SLCO2B1: variants seen among roughly 807,000 people sequenced by gnomAD.
SLCO2B1 encodes the protein solute carrier organic anion transporter family member 2B1.
In SLCO2B1, 41 loss-of-function variants were observed where a neutral mutation model predicts 67.3. The ratio of observed to expected loss-of-function variants is 0.61; its 90% confidence interval spans 0.47 to 0.79. The LOEUF (loss-of-function observed/expected upper bound fraction) is 0.79. Among genes scored for constraint, SLCO2B1 ranks in the 30% least tolerant of loss-of-function variants. SLCO2B1 has a pLI of 0.00. For synonymous variants in SLCO2B1, 379 were observed against 381.4 expected (o/e 0.99, Z 0.07); for missense variants, 837 against 920.1 (o/e 0.91, Z 1.17).
chr11:75,195,130 G>A (rs1945081419), intron 9 of SLCO2B1, among the ~76,000 whole-genome samples: 1 of 152,186 alleles, frequency 6.6e-6, no homozygotes, highest in Non-Finnish European at 1.5e-5. Flanking sequence ...GAGAGGTGAA[G>A]TCACCCCACA....
At chr11:75,196,437 A>G in intron 9 of SLCO2B1, 77 bp from the exon 10 acceptor site, 1 of 1,451,808 alleles carries the variant, frequency 6.9e-7, no homozygotes, top group East Asian at 2.3e-5. Flanking sequence ...GCTCTCGGCT[A>G]CAGGGCCGAG....
chr11:75,174,090 C>T (rs1053504637), intron 7 of SLCO2B1, among the ~76,000 whole-genome samples: 1 of 152,194 alleles, frequency 6.6e-6, no homozygotes, highest in Admixed American at 6.5e-5. Context: ...GAGTGAGCCA[C>T]CGTGCCAGGC....
chr11:75,165,701 G>C (rs555606946), intron 3 of SLCO2B1, 86 bp from the exon 4 acceptor site: 96 of 1,383,538 alleles, frequency 6.9e-5, no homozygotes, highest in Non-Finnish European at 8.6e-5. Context: ...ATGGGCATAC[G>C]GAAGTTAGAC....
intron 6 of SLCO2B1, among the ~76,000 whole-genome samples, chr11:75,170,348 G>A (rs779085530): frequency 6.6e-6 from 1 of 152,242 alleles, no homozygotes; most frequent in Non-Finnish European, 1.5e-5. Flanking sequence ...TTGGGAAAGA[G>A]TAGTTTCTGG....
At chr11:75,172,600 C>A (rs1281021944) in intron 7 of SLCO2B1, 31 bp downstream of exon 7, 5 of 1,579,282 alleles carry the variant, frequency 3.2e-6, no homozygotes, top group South Asian at 1.1e-5. Flanking sequence ...CTGACTGGGT[C>A]CAGGCTCCAG....
chr11:75,169,471 A>G, intron 5 of SLCO2B1, 65 bp downstream of exon 5: 1 of 1,435,050 alleles, frequency 7.0e-7, no homozygotes, highest in Non-Finnish European at 9.5e-7. Context: ...AGGAAGAGAG[A>G]CCCAGGGTTG....
At chr11:75,196,236 A>C in intron 9 of SLCO2B1, 4 of 348,650 alleles carry the variant, frequency 1.1e-5, no homozygotes, top group Non-Finnish European at 2.1e-5. Context: ...TCTGGGAGGA[A>C]TTTATCTTGT....
intron 4 of SLCO2B1, among the ~76,000 whole-genome samples, chr11:75,168,846 G>C (rs573537975): frequency 1.4e-4 from 21 of 152,132 alleles, no homozygotes; most frequent in African/African-American, 4.1e-4. Flanking sequence ...CACCACCTTT[G>C]ACCACCCCGC....
At chr11:75,199,975 T>G (rs1451137772) in intron 10 of SLCO2B1, 2 of 509,566 alleles carry the variant, frequency 3.9e-6, no homozygotes, top group African/African-American at 3.9e-5. Context: ...TTCTCTACTT[T>G]CTCTCTGCTT....
intron 1 of SLCO2B1, 35 bp downstream of exon 1, chr11:75,151,432 A>G: frequency 6.2e-7 from 1 of 1,612,426 alleles, no homozygotes; most frequent in Non-Finnish European, 8.5e-7. Context: ...GGCCATGGAG[A>G]GCAAGCCTGG....
rs1354410447 is a variant in SLCO2B1, at chr11:75,193,488, G to A, written c.1346G>A (p.Gly449Glu). The part of the protein sequence containing the change: ...PVGCGALCLL[G>E]MLLCLFFSLP... ...GGATGCGGTGCCCTTTGCCTGCTGG[G>A]GATGCTGCTGTGCCTCTTCTTCAGC... The change falls in exon 9 of 14, where the codon GGG becomes GAG. Residue 449 changes from glycine to glutamate, a missense_variant. Transcript: ENST00000289575. The surrounding 1 kb of genome is among the most constrained non-coding windows in gnomAD (Gnocchi z 4.2). 18 of 1,610,010 alleles carry A rather than the reference G, an allele frequency of 1.1e-5. No individual in the cohort carries two copies. The highest frequency in any genetic ancestry group is 1.5e-5 in the Non-Finnish European group (18 of 1,177,340).
intron 9 of SLCO2B1, among the ~76,000 whole-genome samples, chr11:75,194,692 T>C (rs767556200): frequency 3.3e-5 from 5 of 152,196 alleles, no homozygotes; most frequent in Non-Finnish European, 7.3e-5. Flanking sequence ...AGGAAGTCCC[T>C]GGTCTGAGGA....
chr11:75,169,624 A>G (rs1434974644), intron 5 of SLCO2B1, 42 bp from the exon 6 acceptor site: 2 of 1,541,574 alleles, frequency 1.3e-6, no homozygotes, highest in East Asian at 2.3e-5. Context: ...CTGCAGAGGG[A>G]AGCCAGGGCC....
At chr11:75,161,686 T>C (rs778985544) in intron 1 of SLCO2B1, among the ~76,000 whole-genome samples, 2 of 152,084 alleles carry the variant, frequency 1.3e-5, no homozygotes, top group Non-Finnish European at 2.9e-5. Flanking sequence ...CAATGGAGGC[T>C]TCCGGCAGGA....
chr11:75,196,670 C>A lies in SLCO2B1; in HGVS notation c.1590C>A (p.Asp530Glu). The part of the protein sequence containing the change: ...CSSWVVQDAL[D>E]NSQVFYTNCS... ...GCTGGGTGGTCCAGGATGCTCTGGA[C>A]AACAGCCAGGTGAGTCAGGCCTCTC... Residue 530 changes from aspartate (D) to glutamate (E), a missense_variant, in exon 10 of 14, where the codon GAC becomes GAA. Coordinates refer to ENST00000289575, the MANE Select transcript of SLCO2B1 (RefSeq NM_007256.5). 6.2e-7 allele frequency: 1 copy of A among 1,613,092 alleles called. No individual in the cohort carries two copies. Among genetic ancestry groups the A allele is most frequent in the African/African-American group, 1.3e-5 (1 of 75,034 alleles).
At chr11:75,169,448 A>G in intron 5 of SLCO2B1, 42 bp downstream of exon 5, 1 of 1,506,640 alleles carries the variant, frequency 6.6e-7, no homozygotes, top group Non-Finnish European at 9.0e-7. Context: ...GGGTCAGGCC[A>G]GGCTCAACTA....
At chr11:75,164,136 AG>A in intron 3 of SLCO2B1, 36 bp downstream of exon 3, 2 of 1,594,288 alleles carry the variant, frequency 1.3e-6, no homozygotes, top group Non-Finnish European at 1.7e-6. Context: ...GTGGACACTG[AG>A]GGAGGCTTGC....
At chr11:75,175,800 CAG>C (rs1950016360) in intron 7 of SLCO2B1, among the ~76,000 whole-genome samples, 2 of 152,278 alleles carry the variant, frequency 1.3e-5, no homozygotes, top group African/African-American at 4.8e-5. Flanking sequence ...AGGCCAGATG[CAG>C]AGAGACAGGG....
At chr11:75,156,208 C>T (rs1949744457) in intron 1 of SLCO2B1, among the ~76,000 whole-genome samples, 1 of 152,210 alleles carries the variant, frequency 6.6e-6, no homozygotes. Flanking sequence ...AAAGTCTTCT[C>T]ACCCAGAGGC....
Sources: gnomAD v4.1 joint callset for allele counts (sites outside exome capture counted in the v4.1 genomes callset) on GRCh38, gnomAD v4.1.1 for gene constraint, Gnocchi (gnomAD v3.1) non-coding constraint, MANE v1.5 for transcripts, NCBI Gene and HGNC (gene_info 2026-07-23, HGNC 2026-07-21) for gene names.